Variants in ASB4 observed in about 807,000 individuals in gnomAD.
ASB4 encodes the protein ankyrin repeat and SOCS box containing 4.
ASB4 carries 35 observed loss-of-function variants against 38.6 expected under a neutral mutation model. The ratio of observed to expected loss-of-function variants is 0.91; its 90% confidence interval spans 0.69 to 1.20. ASB4 has a LOEUF of 1.20. Among genes scored for constraint, ASB4 ranks in the 50% most tolerant of loss-of-function variants. ASB4 has a pLI of 0.00. For synonymous variants in ASB4, 195 were observed against 201.3 expected (o/e 0.97, Z 0.26); for missense variants, 557 against 527.2 (o/e 1.06, Z -0.55).
At chr7:95,516,224 T>C (rs1790581733) in intron 2 of ASB4, among the ~76,000 whole-genome samples, 1 of 152,232 alleles carries the variant, frequency 6.6e-6, no homozygotes, top group Non-Finnish European at 1.5e-5. Flanking sequence ...CCATAATATA[T>C]GGTCTGATTT....
intron 2 of ASB4, among the ~76,000 whole-genome samples, chr7:95,504,377 A>G (rs1198883716): frequency 6.6e-6 from 1 of 152,214 alleles, no homozygotes; most frequent in Non-Finnish European, 1.5e-5. Flanking sequence ...TCCCTGGTCA[A>G]TGAAGTGGAA....
intron 3 of ASB4, among the ~76,000 whole-genome samples, chr7:95,531,046 G>A (rs1482617709): frequency 6.6e-6 from 1 of 152,120 alleles, no homozygotes; most frequent in Non-Finnish European, 1.5e-5. Flanking sequence ...TTATGCCTTG[G>A]CAATGCGATG....
At chr7:95,484,762 T>C (rs192034404), upstream of ASB4, among the ~76,000 whole-genome samples, 47 of 152,226 alleles carry the variant, frequency 3.1e-4, no homozygotes, top group African/African-American at 1.1e-3. Context: ...ATTATAATTT[T>C]CCTAATTTTT....
intron 2 of ASB4, among the ~76,000 whole-genome samples, chr7:95,525,886 T>C (rs938529738): frequency 6.6e-6 from 1 of 152,238 alleles, no homozygotes. Context: ...CAGAGCAATG[T>C]ACTCTTGGGT....
intron 2 of ASB4, among the ~76,000 whole-genome samples, chr7:95,498,075 A>T (rs889827009): frequency 6.6e-6 from 1 of 152,222 alleles, no homozygotes; most frequent in Non-Finnish European, 1.5e-5. Context: ...GTAAATTTAT[A>T]AGAAACTGCA....
chr7:95,478,374 G>A (rs925228678), upstream of ASB4: 7 of 152,180 alleles, frequency 4.6e-5, no homozygotes, highest in African/African-American at 1.2e-4. Context: ...GGAACACAGA[G>A]CTAATGCCCC....
At chr7:95,477,735 C>CTTTTTTTT (rs34231561), upstream of ASB4, among the ~76,000 whole-genome samples, 2 of 142,470 alleles carry the variant, frequency 1.4e-5, no homozygotes, top group Non-Finnish European at 3.1e-5. Context: ...TAACAAGAAC[C>CTTTTTTTT]TTTTTTTTTT....
At chr7:95,535,249 C>T (rs563863229) in intron 3 of ASB4, among the ~76,000 whole-genome samples, 4 of 152,292 alleles carry the variant, frequency 2.6e-5, no homozygotes, top group Middle Eastern at 3.4e-3. Flanking sequence ...GAGAGAAAGT[C>T]GGTTTTGTGA....
At chr7:95,541,529 G>A (rs7803844), downstream of ASB4, among the ~76,000 whole-genome samples, 1 of 152,024 alleles carries the variant, frequency 6.6e-6, no homozygotes, top group Non-Finnish European at 1.5e-5. Flanking sequence ...GGGAATCCAC[G>A]GGGGAACAAG....
At chr7:95,473,220 G>T in the ASB4 span, among the ~76,000 whole-genome samples, 1 of 152,216 alleles carries the variant, frequency 6.6e-6, no homozygotes, top group East Asian at 1.9e-4. Flanking sequence ...AAGGAGACCT[G>T]TCGGATTGCA....
At chr7:95,534,912 G>A (rs1790867484) in intron 3 of ASB4, among the ~76,000 whole-genome samples, 1 of 152,142 alleles carries the variant, frequency 6.6e-6, no homozygotes, top group Non-Finnish European at 1.5e-5. Flanking sequence ...CTTCTTGCCT[G>A]TCAAGTCAAT....
At chr7:95,485,622 GA>G (rs1372662695), upstream of ASB4, among the ~76,000 whole-genome samples, 1 of 151,928 alleles carries the variant, frequency 6.6e-6, no homozygotes, top group Non-Finnish European at 1.5e-5. Flanking sequence ...TTATTGAGGG[GA>G]AAAAAAGAGC....
chr7:95,510,316 A>C (rs920812400), intron 2 of ASB4, among the ~76,000 whole-genome samples: 2 of 152,188 alleles, frequency 1.3e-5, no homozygotes, highest in Non-Finnish European at 2.9e-5. Flanking sequence ...CTTTCCTTTT[A>C]AGTATCATGC....
At position 95,537,686 on chromosome 7, in the gene ASB4, C is replaced by A. The variant is rs1023172572; in HGVS notation, c.1208C>A (p.Ala403Glu). ...RRTLHNRCHR[A>E]IPLLSLPLSL... The stretch of plus-strand genomic sequence containing the variant: ...ACATTACACAACAGATGCCATAGAG[C>A]AATTCCTTTGCTTTCCCTCCCATTG... The change falls in exon 5 of 5, where the codon GCA becomes GAA. Residue 403 changes from alanine to glutamate, a missense_variant. Physicochemically the swap from Ala to Glu is moderately radical, Grantham distance 107. Coordinates refer to ENST00000325885, the MANE Select transcript of ASB4 (RefSeq NM_016116.3). 4.3e-6 allele frequency: 7 copies of A among 1,613,894 alleles called. No homozygotes were observed. Among genetic ancestry groups the A allele is most frequent in the Non-Finnish European group, 5.9e-6 (7 of 1,179,842 alleles).
At chr7:95,546,344 T>A in the ASB4 span, among the ~76,000 whole-genome samples, 1 of 152,236 alleles carries the variant, frequency 6.6e-6, no homozygotes, top group South Asian at 2.1e-4. Flanking sequence ...TTTGTAGACA[T>A]GGGCCGCATC....
intron 2 of ASB4, among the ~76,000 whole-genome samples, chr7:95,498,452 T>G (rs1457810788): frequency 6.6e-6 from 1 of 152,250 alleles, no homozygotes. Context: ...CTAAGGATGT[T>G]GAACATGTTT....
chr7:95,530,158 A>G (rs955923599), intron 3 of ASB4, among the ~76,000 whole-genome samples: 3 of 150,350 alleles, frequency 2.0e-5, no homozygotes, highest in African/African-American at 7.3e-5. Flanking sequence ...TAAGTTGATT[A>G]GAAAAAATAA....
In ASB4 at chr7:95,537,944, A is replaced by G. The variant is rs1456984773; in HGVS notation, c.*185A>G. 8.6e-5 allele frequency: 49 copies of G among 571,972 alleles called. No homozygotes were observed. The highest frequency in any genetic ancestry group is 9.2e-6 in the Non-Finnish European group (3 of 326,892). 35.4% of individuals were successfully genotyped at this position (571,972 alleles called of 1,614,324 possible). On this transcript the variant is annotated 3_prime_UTR_variant, in exon 5 of 5. Transcript: ENST00000325885. ...GGGAAATAAAGAAGAAGTAAAGTTA[A>G]GGAATTTTCAAAGACAAGGATGTAT... is the stretch of plus-strand genomic sequence containing the variant.
chr7:95,534,712 C>T (rs995027445), intron 3 of ASB4, among the ~76,000 whole-genome samples: 10 of 152,160 alleles, frequency 6.6e-5, no homozygotes, highest in African/African-American at 2.4e-4. Flanking sequence ...ACTTATATTG[C>T]TCTCTAACTC....
Sources: allele counts gnomAD v4.1 joint callset (sites outside exome capture counted in the v4.1 genomes callset), GRCh38; gene constraint gnomAD v4.1.1; transcripts MANE v1.5; gene names NCBI Gene and HGNC (gene_info 2026-07-23, HGNC 2026-07-21).